AAK1: variants seen among roughly 807,000 people sequenced by gnomAD.
AAK1 encodes AP2 associated kinase 1.
AAK1 carries 37 observed loss-of-function variants against 116.0 expected under a neutral mutation model. That is an observed-to-expected ratio of 0.32 (90% CI 0.25 to 0.42). AAK1 has a LOEUF of 0.42. Ranked by LOEUF, AAK1 falls within the 10% of genes least tolerant of loss-of-function variation. The probability of loss-of-function intolerance (pLI) is 1.00; values close to 1 mark genes in which losing one functional copy is unlikely to be tolerated. For synonymous variants in AAK1, 458 were observed against 439.9 expected, an observed-to-expected ratio of 1.04 and a Z score of -0.51; for missense variants, 919 against 1,170.6, an observed-to-expected ratio of 0.79 and a Z score of 3.14.
intron 2 of AAK1, among the ~76,000 whole-genome samples, chr2:69,600,982 T>A (rs1026216756): frequency 6.6e-6 from 1 of 152,236 alleles, no homozygotes; most frequent in Non-Finnish European, 1.5e-5. Flanking sequence ...GCTCAGATGA[T>A]TGTTAGCCTA....
intron 12 of AAK1, 147 bp from the exon 13 acceptor site, chr2:69,514,896 A>G (rs1320391636): frequency 2.3e-6 from 2 of 853,572 alleles, no homozygotes; most frequent in Non-Finnish European, 3.5e-6. Flanking sequence ...AAATCTCATG[A>G]TAGAGACCTC....
At chr2:69,594,632 AAC>A in intron 2 of AAK1, 2 of 527,884 alleles carry the variant, frequency 3.8e-6, no homozygotes, top group South Asian at 2.1e-5. Context: ...TCTTGTACCA[AAC>A]AGTTAGCCAG....
chr2:69,509,398 C>A lies in AAK1; in HGVS notation c.1839G>T (p.Gly613=), dbSNP rs1676305468. The A allele has an allele frequency of 9.3e-6, 15 of 1,613,802 alleles. No individual in the cohort carries two copies. Among genetic ancestry groups the A allele is most frequent in the Non-Finnish European group, 1.2e-5 (14 of 1,179,898 alleles). The change falls in exon 14 of 22, where the codon GGG becomes GGT. Residue 613 remains glycine (G), a synonymous_variant. Coordinates refer to ENST00000409085, the MANE Select transcript of AAK1 (RefSeq NM_014911.5). The part of the protein sequence containing the change: ...VQTTPPPAVQ[G]QKVGSLTPPS... The stretch of plus-strand genomic sequence containing the variant: ...GTGGAGTGAGAGATCCAACTTTCTG[C>A]CCCTGGACGGCAGGAGGTGGGGTTG...
Position 69,466,273 on chromosome 2 carries a change from A to C in AAK1, c.*9596T>G, listed in dbSNP as rs1462307552. The C allele has an allele frequency of 7.8e-7, 1 of 1,289,598 alleles. No homozygotes were observed. Among genetic ancestry groups the C allele is most frequent in the Non-Finnish European group, 1.0e-6 (1 of 988,872 alleles). The allele number at this position is 1,289,598 out of a possible 1,614,324, so 79.9% of individuals were successfully genotyped here. On this transcript the variant is annotated 3_prime_UTR_variant, in exon 22 of 22. Coordinates refer to ENST00000409085, the MANE Select transcript of AAK1 (RefSeq NM_014911.5). ...CCCAGCTTCCCCGGGGGGGGTCTGC[A>C]GCTCTCATCTTCTTCTTCAGACTCC...
In AAK1 at chr2:69,471,837, T is replaced by C; in HGVS notation, c.*4032A>G. 2 of 985,446 alleles carry C rather than the reference T, an allele frequency of 2.0e-6. No individual in the cohort carries two copies. Among genetic ancestry groups the C allele is most frequent in the South Asian group, 4.7e-5 (1 of 21,286 alleles). The allele number at this position is 985,446 out of a possible 1,614,324, so 61.0% of individuals were successfully genotyped here. On this transcript the variant is annotated 3_prime_UTR_variant, in exon 22 of 22. Coordinates refer to ENST00000409085, the MANE Select transcript of AAK1 (RefSeq NM_014911.5). ...TGTTCCTAACCTGGGGAAGGTTATATTGGTTGATCAATTATCTGTCAGGAG... is the reference window on the plus strand; with the variant it reads ...TGTTCCTAACCTGGGGAAGGTTATACTGGTTGATCAATTATCTGTCAGGAG...
intron 3 of AAK1, among the ~76,000 whole-genome samples, chr2:69,549,571 G>T (rs145026509): frequency 2.1e-3 from 313 of 152,150 alleles, no homozygotes; most frequent in Admixed American, 4.4e-3. Context: ...AAATACTCCA[G>T]GCTTGGTCTG....
At chr2:69,614,481 G>A (rs992291149) in intron 2 of AAK1, among the ~76,000 whole-genome samples, 1 of 152,152 alleles carries the variant, frequency 6.6e-6, no homozygotes, top group Non-Finnish European at 1.5e-5. Context: ...CAACAGTGCA[G>A]GGTCCCAGGT....
chr2:69,611,300 C>T (rs565205711), intron 2 of AAK1, among the ~76,000 whole-genome samples: 3 of 152,244 alleles, frequency 2.0e-5, no homozygotes, highest in Non-Finnish European at 4.4e-5. Context: ...TTTGCTTCCT[C>T]TCCTCCTGCC....
intron 2 of AAK1, among the ~76,000 whole-genome samples, chr2:69,601,709 T>C (rs1031450237): frequency 1.3e-5 from 2 of 152,144 alleles, no homozygotes; most frequent in Admixed American, 1.3e-4. Context: ...CTAAACGGAC[T>C]GAATGGTTCA....
intron 2 of AAK1, among the ~76,000 whole-genome samples, chr2:69,634,307 T>C (rs1675353992): frequency 6.6e-6 from 1 of 152,262 alleles, no homozygotes; most frequent in African/African-American, 2.4e-5. Flanking sequence ...CTTGCCAATA[T>C]GACTTTGAAG....
intron 3 of AAK1, among the ~76,000 whole-genome samples, chr2:69,548,396 G>A (rs1353509855): frequency 6.6e-6 from 1 of 151,982 alleles, no homozygotes; most frequent in Admixed American, 6.5e-5. Flanking sequence ...CCCCACTACA[G>A]CCTTCTGACA....
chr2:69,638,162 G>C (rs553737758), intron 2 of AAK1, among the ~76,000 whole-genome samples: 40 of 152,150 alleles, frequency 2.6e-4, no homozygotes, highest in Non-Finnish European at 5.6e-4. Context: ...GATCAAATTG[G>C]TGTTTGCGTC....
At position 69,460,899 on chromosome 2, in the gene AAK1, C is replaced by G. The variant is rs1053611718; in HGVS notation, c.*14970G>C. 8 of 152,160 alleles carry G rather than the reference C, an allele frequency of 5.3e-5. No homozygotes were observed. The highest frequency in any genetic ancestry group is 4.4e-5 in the Non-Finnish European group (3 of 68,018). 9.4% of individuals were successfully genotyped at this position (152,160 alleles called of 1,614,324 possible). A position where few individuals can be genotyped will look rare whatever the true frequency, so the allele number is the denominator to read the frequency against. On this transcript the variant is annotated 3_prime_UTR_variant, in exon 22 of 22. Transcript: ENST00000409085. ...AGGGTTCATCAATGCATGTGTGGCT[C>G]GATGGTTTAGGAATAAATATATTCT... is the stretch of plus-strand genomic sequence containing the variant.
intron 13 of AAK1, among the ~76,000 whole-genome samples, chr2:69,512,668 T>C (rs1017250517): frequency 6.6e-6 from 1 of 152,262 alleles, no homozygotes; most frequent in Non-Finnish European, 1.5e-5. Flanking sequence ...AGAAGCTCTA[T>C]GGCTCCTGGC....
At chr2:69,560,105 G>A (rs759854939) in intron 2 of AAK1, among the ~76,000 whole-genome samples, 1 of 152,162 alleles carries the variant, frequency 6.6e-6, no homozygotes, top group Non-Finnish European at 1.5e-5. Flanking sequence ...CTATAAAAGG[G>A]CTTATCTGCA....
At chr2:69,553,584 C>T (rs975703257) in intron 3 of AAK1, among the ~76,000 whole-genome samples, 6 of 151,424 alleles carry the variant, frequency 4.0e-5, no homozygotes, top group African/African-American at 1.2e-4. Context: ...GCTGGGATTA[C>T]AGGCACGCAC....
chr2:69,466,098 C>T lies in AAK1; in HGVS notation c.*9771G>A, dbSNP rs1263937433. ...CATGTCATCATTTGGAACCCTTGAG[C>T]TCCTGAAGGGAGCTATGGCAAAAAC... On this transcript the variant is annotated 3_prime_UTR_variant, in exon 22 of 22. Coordinates refer to ENST00000409085, the MANE Select transcript of AAK1 (RefSeq NM_014911.5). 1 of 1,290,746 alleles carries T rather than the reference C, an allele frequency of 7.7e-7. No individual in the cohort carries two copies. The highest frequency in any genetic ancestry group is 1.5e-5 in the African/African-American group (1 of 65,840). 80.0% of individuals were successfully genotyped at this position (1,290,746 alleles called of 1,614,324 possible).
intron 3 of AAK1, among the ~76,000 whole-genome samples, chr2:69,545,181 T>C (rs988686004): frequency 7.2e-5 from 11 of 152,188 alleles, no homozygotes; most frequent in African/African-American, 2.4e-4. Flanking sequence ...TGTGATCTCT[T>C]AGGGCTGCTT....
intron 2 of AAK1, among the ~76,000 whole-genome samples, chr2:69,636,996 G>A (rs190332046): frequency 3.9e-4 from 59 of 152,186 alleles, no homozygotes; most frequent in African/African-American, 1.2e-3. Context: ...CACTGCACCC[G>A]GCCTATTTTA....
Sources: gnomAD v4.1 joint callset for allele counts (sites outside exome capture counted in the v4.1 genomes callset) on GRCh38, gnomAD v4.1.1 for gene constraint, MANE v1.5 for transcripts, NCBI Gene and HGNC (gene_info 2026-07-23, HGNC 2026-07-21) for gene names.